The following TSGA10 variants were observed in gnomAD, a reference collection of about 807,000 sequenced individuals.
The protein encoded by TSGA10 is testis-specific gene 10 protein.
Under a neutral mutation model 96.6 loss-of-function variants are expected in TSGA10, and 43 were observed. That is an observed-to-expected ratio of 0.44 (90% CI 0.35 to 0.57). The LOEUF is 0.57. Among genes scored for constraint, TSGA10 ranks in the 20% least tolerant of loss-of-function variants. The pLI, the probability that TSGA10 is intolerant of heterozygous loss-of-function variation, is 0.01. For synonymous variants in TSGA10, 229 were observed against 269.9 expected (o/e 0.85, Z 1.48); for missense variants, 703 against 834.4 (o/e 0.84, Z 1.94).
chr2:99,065,171 T>TA (rs771203264), intron 15 of TSGA10, 47 bp from the exon 16 acceptor site: 1 of 1,572,140 alleles, frequency 6.4e-7, no homozygotes, highest in African/African-American at 1.4e-5. Context: ...GAACATATGA[T>TA]AAAAATTAAA....
At chr2:99,003,975 T>C (rs7585102) in intron 20 of TSGA10, among the ~76,000 whole-genome samples, 20,548 of 151,744 alleles carry the variant, frequency 0.14, 1,592 homozygotes, top group East Asian at 0.27. Flanking sequence ...AATAGAGACA[T>C]AAAAAACCCT....
rs150104535 is a variant in TSGA10, at chr2:99,108,971, T to C, written c.72A>G (p.Glu24=). 40 of 1,590,796 alleles carry C rather than the reference T, an allele frequency of 2.5e-5. 1 individual carries two copies. In the African/African-American group the frequency reaches 4.0e-4, roughly 16 times the overall value. ...PTARGANCDV[E]LLKTTTRDRE... ...GATCTCTTGTTGTTGTCTTCAAAAG[T>C]TCTACATCACAGTTTGCACCCTATA... Residue 24 remains glutamate, a synonymous_variant, in exon 7 of 21, where the codon GAA becomes GAG. Coordinates refer to ENST00000393483, the MANE Select transcript of TSGA10 (RefSeq NM_025244.4).
At chr2:99,070,185 C>T (rs1328554577) in intron 14 of TSGA10, among the ~76,000 whole-genome samples, 2 of 152,080 alleles carry the variant, frequency 1.3e-5, no homozygotes, top group African/African-American at 2.4e-5. Flanking sequence ...AAAATGCTTA[C>T]AATATTATAG....
At chr2:99,147,645 T>A (rs2093646140) in intron 1 of TSGA10, 1 of 652,246 alleles carries the variant, frequency 1.5e-6, no homozygotes, top group Admixed American at 3.2e-5. Context: ...GTTTTGTGTT[T>A]TTTAAAACGT....
intron 20 of TSGA10, among the ~76,000 whole-genome samples, chr2:99,017,636 G>C (rs13412640): frequency 0.35 from 52,903 of 150,910 alleles, 10,583 homozygotes; most frequent in African/African-American, 0.55. Flanking sequence ...GTAGTGGCGG[G>C]CGCCTGTAGT....
At chr2:99,098,388 G>A (rs865959070) in intron 10 of TSGA10, among the ~76,000 whole-genome samples, 9 of 142,198 alleles carry the variant, frequency 6.3e-5, no homozygotes, top group East Asian at 2.0e-4. Context: ...GCAGTGAGCC[G>A]AGATCGCACC....
chr2:99,021,802 A>G (rs951533809), intron 17 of TSGA10, among the ~76,000 whole-genome samples: 3 of 152,214 alleles, frequency 2.0e-5, no homozygotes, highest in Non-Finnish European at 2.9e-5. Flanking sequence ...GTTCTAGTCT[A>G]TCTAGTCTAT....
At chr2:99,085,282 CA>C (rs1449836368) in intron 10 of TSGA10, among the ~76,000 whole-genome samples, 1 of 150,668 alleles carries the variant, frequency 6.6e-6, no homozygotes, top group Non-Finnish European at 1.5e-5. Flanking sequence ...AAAATGCATC[CA>C]AAAAAGTAAT....
At position 99,102,449 on chromosome 2, in the gene TSGA10, T is replaced by G. The variant is rs146855525; in HGVS notation, c.611+1518A>C. On this transcript the variant is annotated intron_variant, in intron 10 of 20. Coordinates refer to ENST00000393483, the MANE Select transcript of TSGA10 (RefSeq NM_025244.4). ...TGAGAGAAATGCAACAGCTTTCAGG[T>G]GGACAGAAATCCTTGGTAGCCCTTG... 791 of 1,613,882 alleles carry G rather than the reference T, an allele frequency of 4.9e-4. 3 individuals are homozygous for G. In the African/African-American group the frequency reaches 9.1e-3, roughly 19 times the overall value.
At chr2:99,134,741 T>G (rs2093252805) in intron 1 of TSGA10, among the ~76,000 whole-genome samples, 1 of 152,208 alleles carries the variant, frequency 6.6e-6, no homozygotes, top group Non-Finnish European at 1.5e-5. Context: ...TGTTTGATGT[T>G]GGTGACCTGC....
chr2:99,067,967 C>T (rs543044357), intron 15 of TSGA10, among the ~76,000 whole-genome samples: 3 of 152,224 alleles, frequency 2.0e-5, no homozygotes, highest in Admixed American at 6.5e-5. Flanking sequence ...GTGTTCTTCC[C>T]GATTACAGAT....
At chr2:99,090,151 C>A (rs1370858334) in intron 10 of TSGA10, among the ~76,000 whole-genome samples, 1 of 152,122 alleles carries the variant, frequency 6.6e-6, no homozygotes, top group Non-Finnish European at 1.5e-5. Flanking sequence ...TGGCTAGATA[C>A]AGAAGAGAAA....
At chr2:99,115,226 C>T (rs1015363754) in intron 4 of TSGA10, among the ~76,000 whole-genome samples, 3 of 152,092 alleles carry the variant, frequency 2.0e-5, no homozygotes, top group Non-Finnish European at 2.9e-5. Flanking sequence ...AGCCACCATG[C>T]TTGGCCCAAT....
At chr2:99,062,352 C>T (rs2084795524) in intron 16 of TSGA10, among the ~76,000 whole-genome samples, 1 of 152,146 alleles carries the variant, frequency 6.6e-6, no homozygotes, top group South Asian at 2.1e-4. Context: ...TATCTGATCA[C>T]AATATTAGAA....
At chr2:99,149,431 T>C (rs191625953) in intron 1 of TSGA10, among the ~76,000 whole-genome samples, 213 of 147,048 alleles carry the variant, frequency 1.4e-3, no homozygotes, top group Middle Eastern at 3.5e-3. Context: ...CCCTCCATGC[T>C]ACATGATCAT....
At chr2:99,043,623 A>G (rs758209387) in intron 16 of TSGA10, among the ~76,000 whole-genome samples, 3 of 152,232 alleles carry the variant, frequency 2.0e-5, no homozygotes, top group Non-Finnish European at 2.9e-5. Flanking sequence ...AATATCTTGA[A>G]AGCAGCAAGG....
At chr2:99,046,271 T>C (rs2082767170) in intron 16 of TSGA10, among the ~76,000 whole-genome samples, 1 of 152,190 alleles carries the variant, frequency 6.6e-6, no homozygotes, top group African/African-American at 2.4e-5. Context: ...AGAATATACA[T>C]TCTTCTCAGC....
intron 20 of TSGA10, among the ~76,000 whole-genome samples, chr2:99,015,463 G>A (rs1271483254): frequency 6.6e-6 from 1 of 152,024 alleles, no homozygotes; most frequent in Non-Finnish European, 1.5e-5. Flanking sequence ...AAAACCCTCA[G>A]CAAAATTGGT....
chr2:99,025,877 A>C (rs187823138), intron 17 of TSGA10, among the ~76,000 whole-genome samples: 2 of 152,028 alleles, frequency 1.3e-5, no homozygotes, highest in Non-Finnish European at 2.9e-5. Context: ...GTGCTGCTCA[A>C]TTTTCATATA....
Sources: gnomAD v4.1 joint callset for allele counts (sites outside exome capture counted in the v4.1 genomes callset) on GRCh38, gnomAD v4.1.1 for gene constraint, MANE v1.5 for transcripts, NCBI Gene and HGNC (gene_info 2026-07-23, HGNC 2026-07-21) for gene names.